PTPRS: variants seen among roughly 807,000 people sequenced by gnomAD.
PTPRS encodes protein tyrosine phosphatase receptor type S.
Under a neutral mutation model 215.3 loss-of-function variants are expected in PTPRS, and 63 were observed. The observed-to-expected ratio is 0.29, with a 90% CI of 0.24 to 0.36. PTPRS has a LOEUF of 0.36. PTPRS is among the 10% of genes least tolerant of loss of function. The probability of loss-of-function intolerance (pLI) is 1.00; values close to 1 mark genes in which losing one functional copy is unlikely to be tolerated. For synonymous variants in PTPRS, 1,404 were observed against 1,191.4 expected, an observed-to-expected ratio of 1.18 and a Z score of -3.68; for missense variants, 2,258 against 2,825.8, an observed-to-expected ratio of 0.80 and a Z score of 4.56.
At chr19:5,232,988 G>A (rs768709375) in intron 13 of PTPRS, among the ~76,000 whole-genome samples, 1 of 149,878 alleles carries the variant, frequency 6.7e-6, no homozygotes, top group African/African-American at 2.5e-5. Context: ...GGCAACAGAA[G>A]CTCCATTTAT....
intron 35 of PTPRS, 47 bp from the exon 36 acceptor site, chr19:5,208,438 T>C (rs1568357443): frequency 6.9e-7 from 1 of 1,450,890 alleles, no homozygotes; most frequent in Non-Finnish European, 9.2e-7. Flanking sequence ...GCAGCGGCCA[T>C]GGGGGTTTTT....
At chr19:5,313,180 G>C (rs768348167) in intron 1 of PTPRS, among the ~76,000 whole-genome samples, 3 of 152,198 alleles carry the variant, frequency 2.0e-5, no homozygotes, top group Non-Finnish European at 2.9e-5. Context: ...GCCTCCCAAA[G>C]TGCTGGGATG....
intron 1 of PTPRS, among the ~76,000 whole-genome samples, chr19:5,320,679 GC>G (rs1231912888): frequency 2.6e-5 from 4 of 152,086 alleles, no homozygotes; most frequent in Non-Finnish European, 5.9e-5. Flanking sequence ...GCTCACCTCA[GC>G]CTCCCAAAGT....
Position 5,278,597 on chromosome 19 carries a change from C to G in PTPRS, c.92-4253G>C, listed in dbSNP as rs140682554. Among the ~76,000 whole-genome samples, 427 of 152,208 alleles carry G rather than the reference C, an allele frequency of 2.8e-3. 1 individual carries two copies. Among genetic ancestry groups the G allele is most frequent in the Non-Finnish European group, 4.2e-3 (284 of 68,024 alleles). Reference sequence around the variant, plus strand: ...GTTCAAGTGGACTCTTCTGCCTCAGCCGCCCAAGTAGCTGGGATTACAGGC... The same window carrying G: ...GTTCAAGTGGACTCTTCTGCCTCAGGCGCCCAAGTAGCTGGGATTACAGGC... On this transcript the variant is annotated intron_variant, in intron 2 of 37. Coordinates refer to ENST00000262963, the MANE Select transcript of PTPRS (RefSeq NM_002850.4).
intron 1 of PTPRS, among the ~76,000 whole-genome samples, chr19:5,309,616 C>G (rs912495155): frequency 6.6e-6 from 1 of 152,122 alleles, no homozygotes; most frequent in African/African-American, 2.4e-5. Context: ...GTTTCCATGC[C>G]TGCCTCTCTC....
chr19:5,238,216 G>A (rs1188808095), intron 13 of PTPRS, among the ~76,000 whole-genome samples: 6 of 152,132 alleles, frequency 3.9e-5, no homozygotes, highest in Admixed American at 3.9e-4. Context: ...AGAGAAGTCA[G>A]GGAGAGAGGG....
At position 5,205,831 on chromosome 19, in the gene PTPRS, A is replaced by T. The variant is rs1349965787; in HGVS notation, c.*943T>A. ...ACGGGGAGACAGCTCAGGCTCTCAG[A>T]GGAGGACCACTGTCATCTCTCTCCT... On this transcript the variant is annotated 3_prime_UTR_variant, in exon 38 of 38. Coordinates refer to ENST00000262963, the MANE Select transcript of PTPRS (RefSeq NM_002850.4). 6.6e-6 allele frequency among the ~76,000 whole-genome samples: 1 copy of T among 152,086 alleles called. No individual in the cohort carries two copies. Among genetic ancestry groups the T allele is most frequent in the Non-Finnish European group, 1.5e-5 (1 of 68,004 alleles).
chr19:5,221,942 T>C (rs757250490), intron 19 of PTPRS, among the ~76,000 whole-genome samples, 181 bp downstream of exon 19: 1 of 152,004 alleles, frequency 6.6e-6, no homozygotes, highest in Non-Finnish European at 1.5e-5. Context: ...TGATCTCCAA[T>C]CCTAGGCTGG....
rs57529862 is a variant in PTPRS, at chr19:5,233,946, CAAAAAAAAAAAAA to C, written c.1850-2344_1850-2332del. ...GGGCAACAGGGCAAGACTCCATCTC[CAAAAAAAAAAAAA>C]AAAAAAAAAAAAAAAAAATCTATAT... On this transcript the variant is annotated intron_variant, in intron 13 of 37. Coordinates refer to ENST00000262963, the MANE Select transcript of PTPRS (RefSeq NM_002850.4). 1.1e-3 allele frequency among the ~76,000 whole-genome samples: 30 copies of C among 27,764 alleles called. 1 individual carries two copies. The highest frequency in any genetic ancestry group is 5.1e-3 in the East Asian group (3 of 592). 18.2% of individuals were successfully genotyped at this position (27,764 alleles called of 152,430 possible). A position where few individuals can be genotyped will look rare whatever the true frequency, so the allele number is the denominator to read the frequency against.
Position 5,286,142 on chromosome 19 carries a change from C to T in PTPRS, c.-2G>A. ...GCCAGGGCCCCAGGTGGGCGCCATG[C>T]TTGGCAGCGACCTCCGATCTCCGCC... On this transcript the variant is annotated 5_prime_UTR_variant, in exon 2 of 38. Coordinates refer to ENST00000262963, the MANE Select transcript of PTPRS (RefSeq NM_002850.4). 6.2e-7 allele frequency: 1 copy of T among 1,613,714 alleles called. No individual in the cohort carries two copies. Among genetic ancestry groups the T allele is most frequent in the African/African-American group, 1.3e-5 (1 of 75,040 alleles).
chr19:5,314,561 AT>A (rs35381607), intron 1 of PTPRS, among the ~76,000 whole-genome samples: 92 of 147,968 alleles, frequency 6.2e-4, no homozygotes, highest in Admixed American at 8.8e-4. Context: ...TTAAAAAAAA[AT>A]TTTTTTTTTT....
At chr19:5,290,140 A>G (rs1325286051) in intron 1 of PTPRS, among the ~76,000 whole-genome samples, 1 of 152,210 alleles carries the variant, frequency 6.6e-6, no homozygotes, top group African/African-American at 2.4e-5. Context: ...TGTGGGGCTC[A>G]GGGAGGGTCT....
At chr19:5,234,724 G>A (rs1298366466) in intron 13 of PTPRS, among the ~76,000 whole-genome samples, 1 of 151,962 alleles carries the variant, frequency 6.6e-6, no homozygotes, top group African/African-American at 2.4e-5. Context: ...AAAGTTAATA[G>A]TCCCCATGTA....
chr19:5,222,567 T>G (rs2145395603), intron 18 of PTPRS, 122 bp downstream of exon 18: 2 of 1,174,790 alleles, frequency 1.7e-6, no homozygotes, highest in African/African-American at 1.8e-5. Flanking sequence ...GGACTTGCCT[T>G]GAGTGACCAC....
intron 13 of PTPRS, among the ~76,000 whole-genome samples, chr19:5,238,392 G>C (rs2043673043): frequency 6.6e-6 from 1 of 152,138 alleles, no homozygotes; most frequent in Admixed American, 6.5e-5. Context: ...CCACCCTCGG[G>C]AACTGGGACC....
chr19:5,314,016 A>T (rs185920841), intron 1 of PTPRS, among the ~76,000 whole-genome samples: 74 of 152,046 alleles, frequency 4.9e-4, no homozygotes, highest in Admixed American at 8.5e-4. Flanking sequence ...GTGTGTCTGT[A>T]GTCCCAGCTA....
chr19:5,207,257 G>T (rs1362374309), intron 37 of PTPRS, among the ~76,000 whole-genome samples: 1 of 152,164 alleles, frequency 6.6e-6, no homozygotes, highest in East Asian at 1.9e-4. Flanking sequence ...GCTGATTTTT[G>T]TATTTTTAGT....
intron 1 of PTPRS, among the ~76,000 whole-genome samples, chr19:5,302,392 C>T (rs2049329166): frequency 6.6e-6 from 1 of 152,096 alleles, no homozygotes; most frequent in South Asian, 2.1e-4. Context: ...GCCACTGTCT[C>T]CCGTCTTTTC....
chr19:5,222,552 G>C, intron 18 of PTPRS, 137 bp downstream of exon 18: 1 of 1,037,236 alleles, frequency 9.6e-7, no homozygotes, highest in African/African-American at 1.6e-5. Flanking sequence ...GGAGCCTCGG[G>C]GTCCGGACTT....
Sources: gnomAD v4.1 joint callset for allele counts (sites outside exome capture counted in the v4.1 genomes callset) on GRCh38, gnomAD v4.1.1 for gene constraint, MANE v1.5 for transcripts, NCBI Gene and HGNC (gene_info 2026-07-23, HGNC 2026-07-21) for gene names.